MAP3K13: variants seen among roughly 807,000 people sequenced by gnomAD.
The protein encoded by MAP3K13 is mitogen-activated protein kinase kinase kinase 13.
MAP3K13 carries 52 observed loss-of-function variants against 104.0 expected under a neutral mutation model. The ratio of observed to expected loss-of-function variants is 0.50; its 90% CI spans 0.40 to 0.63. The LOEUF (loss-of-function observed/expected upper bound fraction) is 0.63. Ranked by LOEUF, MAP3K13 falls within the 20% of genes least tolerant of loss-of-function variation. The pLI is 0.00. For missense variants in MAP3K13, 914 were observed against 1,218.5 expected, an observed-to-expected ratio of 0.75 and a Z score of 3.72; for synonymous variants, 394 against 442.2, an observed-to-expected ratio of 0.89 and a Z score of 1.37.
chr3:185,380,480 C>A (rs1724661308), intron 1 of MAP3K13, among the ~76,000 whole-genome samples: 1 of 143,752 alleles, frequency 7.0e-6, no homozygotes, highest in South Asian at 2.2e-4. Flanking sequence ...CACCGCACTC[C>A]AGCCTGGCGA....
chr3:185,363,209 CG>C lies in MAP3K13; in HGVS notation c.-244del, dbSNP rs1723717487. On this transcript the variant is annotated 5_prime_UTR_variant, in exon 1 of 14. The change creates a premature stop within an existing upstream ORF in the 5' untranslated region. Coordinates refer to ENST00000265026, the MANE Select transcript of MAP3K13 (RefSeq NM_004721.5). Reference sequence around the variant, plus strand: ...TTTACATCCATTCATGAATCTGTGACGTCAGCAAGCCTTTGGGCTCCTTTGC... The same window carrying C: ...TTTACATCCATTCATGAATCTGTGACTCAGCAAGCCTTTGGGCTCCTTTGC... 1 of 985,154 alleles carries C rather than the reference CG, an allele frequency of 1.0e-6. No homozygotes were observed. The highest frequency in any genetic ancestry group is 4.7e-5 in the South Asian group (1 of 21,288). The allele number at this position is 985,154 out of a possible 1,614,324, so 61.0% of individuals were successfully genotyped here. A position where few individuals can be genotyped will look rare whatever the true frequency, so the allele number is the denominator to read the frequency against.
rs984396468 is a variant in MAP3K13, at chr3:185,404,726, G to A, written c.-85-23771G>A. On this transcript the variant is annotated intron_variant, in intron 1 of 13. Coordinates refer to ENST00000265026, the MANE Select transcript of MAP3K13 (RefSeq NM_004721.5). The stretch of plus-strand genomic sequence containing the variant: ...CAAATAGGTGGGATTACAGGTGCCC[G>A]CCACCACGCCCGGCTAATTTTTGTA... Among the ~76,000 whole-genome samples the A allele has an allele frequency of 3.3e-5, 5 of 152,116 alleles. No individual in the cohort carries two copies. In the South Asian group the frequency reaches 6.2e-4, roughly 19 times the overall value.
chr3:185,339,149 G>A (rs569305242), intron 2 of MAP3K13, among the ~76,000 whole-genome samples: 7 of 151,970 alleles, frequency 4.6e-5, no homozygotes, highest in African/African-American at 7.2e-5. Flanking sequence ...GAGAAACCCC[G>A]TCTCTATTAA....
chr3:185,436,018 C>T (rs926783562), intron 2 of MAP3K13, among the ~76,000 whole-genome samples: 3 of 152,184 alleles, frequency 2.0e-5, no homozygotes, highest in East Asian at 1.9e-4. Context: ...CTCCGTGGGG[C>T]TCTTAGCTCT....
chr3:185,480,703 AAG>A (rs1186916250), intron 13 of MAP3K13, among the ~76,000 whole-genome samples, 174 bp downstream of exon 13: 1 of 152,228 alleles, frequency 6.6e-6, no homozygotes, highest in Non-Finnish European at 1.5e-5. Context: ...TTATGAAGAA[AAG>A]AGGTTTAATT....
chr3:185,291,786 C>T lies in MAP3K13; in HGVS notation c.-86+6143C>T, dbSNP rs1720749361. 3.6e-6 allele frequency: 5 copies of T among 1,387,954 alleles called. No individual in the cohort carries two copies. In the East Asian group the frequency reaches 1.4e-4, roughly 38 times the overall value. The allele number at this position is 1,387,954 out of a possible 1,614,324, so 86.0% of individuals were successfully genotyped here. On this transcript the variant is annotated intron_variant, in intron 2 of 14. Transcript: ENST00000424227. ...GTACAAGCTTAAAGGGGCTAAAATC[C>T]ATTAATACATTCCATTTTATATCCC...
rs192811866 is a variant in MAP3K13 at position 185,356,128 on chromosome 3, G to A, written c.-86+70485G>A. 2.7e-3 allele frequency among the ~76,000 whole-genome samples: 376 copies of A among 141,544 alleles called. 3 individuals are homozygous for A. Among genetic ancestry groups the A allele is most frequent in the African/African-American group, 8.4e-3 (342 of 40,764 alleles). The allele number at this position is 141,544 out of a possible 152,430, so 92.9% of individuals were successfully genotyped here. On this transcript the variant is annotated intron_variant, in intron 2 of 14. Transcript: ENST00000424227. ...GGAAATACTGGGTCTTTAAAATGTC[G>A]AACTTTTGATGGTGACAAAGATAAT...
intron 3 of MAP3K13, among the ~76,000 whole-genome samples, chr3:185,441,069 G>A (rs1158384887): frequency 6.6e-6 from 1 of 152,156 alleles, no homozygotes; most frequent in Non-Finnish European, 1.5e-5. Flanking sequence ...AGTGGGCATG[G>A]ACTTTCAAAT....
chr3:185,435,209 A>C (rs1254000420), intron 2 of MAP3K13, among the ~76,000 whole-genome samples: 4 of 147,262 alleles, frequency 2.7e-5, no homozygotes, highest in African/African-American at 7.6e-5. Flanking sequence ...ACGGGGTTTC[A>C]CCATATTGGC....
intron 2 of MAP3K13, among the ~76,000 whole-genome samples, chr3:185,432,344 C>T (rs977857588): frequency 1.3e-5 from 2 of 151,940 alleles, no homozygotes; most frequent in Non-Finnish European, 2.9e-5. Context: ...GCGTGTGCCA[C>T]CACGCCTGGC....
chr3:185,367,193 C>T (rs1314044721), intron 1 of MAP3K13, among the ~76,000 whole-genome samples: 1 of 152,062 alleles, frequency 6.6e-6, no homozygotes, highest in African/African-American at 2.4e-5. Context: ...ATTCTTTCCC[C>T]CATTAAATTG....
intron 1 of MAP3K13, among the ~76,000 whole-genome samples, chr3:185,391,023 G>A (rs1213829653): frequency 6.6e-6 from 1 of 152,096 alleles, no homozygotes; most frequent in African/African-American, 2.4e-5. Flanking sequence ...TTTCAATACT[G>A]AAGGCAGGAT....
At chr3:185,378,090 T>C (rs1264412066) in intron 1 of MAP3K13, among the ~76,000 whole-genome samples, 2 of 152,166 alleles carry the variant, frequency 1.3e-5, no homozygotes, top group Non-Finnish European at 1.5e-5. Flanking sequence ...CTGGGGTTTG[T>C]CTCACAGTGG....
intron 2 of MAP3K13, among the ~76,000 whole-genome samples, chr3:185,307,546 C>CCCCCCCCCCCCCCCCCCCCCCCCCCA (rs58408265): frequency 8.7e-5 from 9 of 103,978 alleles, no homozygotes; most frequent in Admixed American, 1.1e-4. Flanking sequence ...GCACCACCCC[C>CCCCCCCCCCCCCCCCCCCCCCCCCCA]TCCCCCGCCA....
At chr3:185,374,441 G>A (rs909567894) in intron 1 of MAP3K13, among the ~76,000 whole-genome samples, 1 of 152,064 alleles carries the variant, frequency 6.6e-6, no homozygotes, top group African/African-American at 2.4e-5. Flanking sequence ...ATATTGTGGG[G>A]TTGTTAGAAG....
chr3:185,394,498 T>G (rs1193586210), intron 1 of MAP3K13, among the ~76,000 whole-genome samples: 1 of 152,200 alleles, frequency 6.6e-6, no homozygotes, highest in Non-Finnish European at 1.5e-5. Context: ...AGTACATATA[T>G]AGAATGAAAG....
At position 185,419,078 on chromosome 3, in the gene MAP3K13, G is replaced by A. The variant is rs539870288; in HGVS notation, c.-85-9419G>A. On this transcript the variant is annotated intron_variant, in intron 1 of 13. Coordinates refer to ENST00000265026, the MANE Select transcript of MAP3K13 (RefSeq NM_004721.5). Reference sequence around the variant, plus strand: ...GTCACCCAGGCTGGAGTGCAGTGGCGTGATCTTGGCTCACTGCAACCTCTG... The same window carrying A: ...GTCACCCAGGCTGGAGTGCAGTGGCATGATCTTGGCTCACTGCAACCTCTG... Among the ~76,000 whole-genome samples the A allele has an allele frequency of 5.3e-5, 8 of 150,780 alleles. No homozygotes were observed. The East Asian group carries it at 9.8e-4, about 18-fold the overall frequency.
At chr3:185,436,617 G>A (rs1715040856) in intron 2 of MAP3K13, among the ~76,000 whole-genome samples, 1 of 152,148 alleles carries the variant, frequency 6.6e-6, no homozygotes, top group African/African-American at 2.4e-5. Context: ...AAAGTACTAT[G>A]CTAGTGTATG....
intron 1 of MAP3K13, among the ~76,000 whole-genome samples, chr3:185,396,369 CA>C (rs1366775071): frequency 3.5e-5 from 5 of 141,758 alleles, no homozygotes; most frequent in Middle Eastern, 3.7e-3. Flanking sequence ...GACTCTGTCT[CA>C]AAAATAAATA....
Sources: gnomAD v4.1 joint callset for allele counts (sites outside exome capture counted in the v4.1 genomes callset) on GRCh38, gnomAD v4.1.1 for gene constraint, MANE v1.5 for transcripts, NCBI Gene and HGNC (gene_info 2026-07-23, HGNC 2026-07-21) for gene names.